ERBB4: variants seen among roughly 807,000 people sequenced by gnomAD.
ERBB4 encodes the protein receptor tyrosine-protein kinase erbB-4.
A neutral mutation model predicts 158.0 loss-of-function variants in ERBB4; 42 were observed. The observed-to-expected ratio is 0.27, with a 90% CI of 0.21 to 0.34. The LOEUF is 0.34. ERBB4 is among the 10% of genes least tolerant of loss of function. The pLI is 1.00. For synonymous variants in ERBB4, 583 were observed against 558.7 expected (o/e 1.04, Z -0.61); for missense variants, 1,333 against 1,624.1 (o/e 0.82, Z 3.08).
At chr2:211,955,688 C>T (rs1039429112) in intron 2 of ERBB4, among the ~76,000 whole-genome samples, 3 of 152,062 alleles carry the variant, frequency 2.0e-5, no homozygotes, top group Admixed American at 6.6e-5. Flanking sequence ...CAATCACAGG[C>T]TACCAACTGA....
At chr2:212,341,512 G>C (rs2088711188) in intron 1 of ERBB4, among the ~76,000 whole-genome samples, 1 of 152,014 alleles carries the variant, frequency 6.6e-6, no homozygotes, top group Non-Finnish European at 1.5e-5. Flanking sequence ...CCATGGGTAA[G>C]TATTCAATGT....
At chr2:211,970,947 T>C (rs1472891079) in intron 2 of ERBB4, among the ~76,000 whole-genome samples, 1 of 152,168 alleles carries the variant, frequency 6.6e-6, no homozygotes, top group Non-Finnish European at 1.5e-5. Flanking sequence ...TGCAGACTTG[T>C]TTATGTGGTT....
chr2:212,117,224 T>C (rs367906220), intron 2 of ERBB4, among the ~76,000 whole-genome samples: 3 of 152,206 alleles, frequency 2.0e-5, no homozygotes, highest in South Asian at 2.1e-4. Context: ...GAGGTCATCA[T>C]GTTAATGCAG....
At chr2:211,771,307 T>C (rs2075686236) in intron 4 of ERBB4, among the ~76,000 whole-genome samples, 1 of 111,198 alleles carries the variant, frequency 9.0e-6, no homozygotes, top group East Asian at 4.1e-4. Flanking sequence ...TCATGTAATA[T>C]TTTTTCTTCC....
At chr2:212,443,457 A>G (rs2092292580) in intron 1 of ERBB4, among the ~76,000 whole-genome samples, 1 of 152,202 alleles carries the variant, frequency 6.6e-6, no homozygotes, top group Non-Finnish European at 1.5e-5. Flanking sequence ...ATTCCTACTA[A>G]GGTGAAGCAT....
chr2:212,244,688 G>C (rs1451518319), intron 1 of ERBB4, among the ~76,000 whole-genome samples: 3 of 151,862 alleles, frequency 2.0e-5, no homozygotes, highest in African/African-American at 7.3e-5. Context: ...CTCTCACCTT[G>C]CACCAAAGCA....
chr2:211,461,727 G>A (rs2064536810), intron 20 of ERBB4, among the ~76,000 whole-genome samples: 1 of 151,932 alleles, frequency 6.6e-6, no homozygotes, highest in Non-Finnish European at 1.5e-5. Context: ...GAACCATTGA[G>A]AAAACAACTG....
intron 2 of ERBB4, among the ~76,000 whole-genome samples, chr2:212,116,236 T>C (rs11902372): frequency 0.49 from 74,468 of 151,172 alleles, 19,580 homozygotes; most frequent in Non-Finnish European, 0.59. Flanking sequence ...TATATGTATA[T>C]CTTTATATAT....
At chr2:212,449,802 A>T (rs959217930) in intron 1 of ERBB4, among the ~76,000 whole-genome samples, 1 of 152,064 alleles carries the variant, frequency 6.6e-6, no homozygotes, top group East Asian at 1.9e-4. Flanking sequence ...AACACCCCCT[A>T]CTATCACAAA....
chr2:212,089,573 T>A (rs936181362), intron 2 of ERBB4, among the ~76,000 whole-genome samples: 45 of 152,270 alleles, frequency 3.0e-4, no homozygotes, highest in African/African-American at 1.0e-3. Flanking sequence ...GATCTGGTTG[T>A]TTAAAAGTAT....
intron 3 of ERBB4, among the ~76,000 whole-genome samples, chr2:211,835,064 T>C (rs1244197452): frequency 2.6e-5 from 4 of 152,258 alleles, no homozygotes; most frequent in South Asian, 4.1e-4. Flanking sequence ...GGAATATTTT[T>C]CCTTAATATT....
rs193043555 is a variant in ERBB4 at position 211,610,967 on chromosome 2, G to A, written c.2301+8210C>T. Among the ~76,000 whole-genome samples the A allele has an allele frequency of 6.0e-4, 92 of 152,172 alleles. 1 individual carries two copies. The highest frequency in any genetic ancestry group is 1.8e-3 in the African/African-American group (76 of 41,550). ...TTAGGTACTTCAATGGAGAAATTAA[G>A]CCTGTTGGAATGCAAAACTTGTCAA... On this transcript the variant is annotated intron_variant, in intron 19 of 27. Transcript: ENST00000342788.
chr2:212,464,949 C>A (rs1365200665), intron 1 of ERBB4, among the ~76,000 whole-genome samples: 1 of 150,696 alleles, frequency 6.6e-6, no homozygotes, highest in Non-Finnish European at 1.5e-5. Context: ...TAACACAGTA[C>A]AAATTGACAG....
intron 1 of ERBB4, among the ~76,000 whole-genome samples, chr2:212,176,351 G>C (rs1048755825): frequency 6.6e-6 from 1 of 151,874 alleles, no homozygotes; most frequent in Non-Finnish European, 1.5e-5. Context: ...GGTAATGAGG[G>C]TGAGGCTCTC....
intron 20 of ERBB4, among the ~76,000 whole-genome samples, chr2:211,561,577 G>A (rs1403025798): frequency 6.6e-6 from 1 of 152,020 alleles, no homozygotes; most frequent in Non-Finnish European, 1.5e-5. Context: ...TTCTTTCTTG[G>A]ATTTTATTAG....
At chr2:212,171,148 T>G (rs1380089221) in intron 1 of ERBB4, among the ~76,000 whole-genome samples, 1 of 152,096 alleles carries the variant, frequency 6.6e-6, no homozygotes, top group Admixed American at 6.6e-5. Flanking sequence ...GACGTGGATG[T>G]GAGACATGGG....
intron 20 of ERBB4, among the ~76,000 whole-genome samples, chr2:211,478,298 G>A (rs2065004994): frequency 6.6e-6 from 1 of 152,180 alleles, no homozygotes; most frequent in Non-Finnish European, 1.5e-5. Flanking sequence ...TCCTAGATCA[G>A]TATTTCAACA....
intron 3 of ERBB4, among the ~76,000 whole-genome samples, chr2:211,831,023 C>G (rs1293435165): frequency 1.3e-5 from 2 of 151,252 alleles, no homozygotes. Context: ...AAAAAAAAAC[C>G]CAAGTCATAA....
rs1322859312 is a variant in ERBB4 at position 211,539,973 on chromosome 2, TC to T, written c.2487+21929del. Among the ~76,000 whole-genome samples the T allele has an allele frequency of 3.3e-5, 5 of 151,968 alleles. No homozygotes were observed. The East Asian group carries it at 9.7e-4, about 29-fold the overall frequency. Reference sequence around the variant, plus strand: ...AGATAATGCCAATCTTTATCATTTGTCCTTCATTTTATATGATGCTTTCTTG... The same window carrying T: ...AGATAATGCCAATCTTTATCATTTGTCTTCATTTTATATGATGCTTTCTTG... On this transcript the variant is annotated intron_variant, in intron 20 of 27. Coordinates refer to ENST00000342788, the MANE Select transcript of ERBB4 (RefSeq NM_005235.3).
Sources: allele counts gnomAD v4.1 joint callset (sites outside exome capture counted in the v4.1 genomes callset), GRCh38; gene constraint gnomAD v4.1.1; transcripts MANE v1.5; gene names NCBI Gene and HGNC (gene_info 2026-07-23, HGNC 2026-07-21).